Variants in OCIAD2 observed in about 807,000 individuals in gnomAD.
OCIAD2 encodes OCIA domain containing 2.
A neutral mutation model predicts 22.9 loss-of-function variants in OCIAD2; 29 were observed. The ratio of observed to expected loss-of-function variants is 1.27; its 90% confidence interval spans 0.94 to 1.73. OCIAD2 has a LOEUF of 1.73. Ranked by LOEUF, OCIAD2 falls within the 40% of genes most tolerant of loss-of-function variation. The probability of loss-of-function intolerance (pLI) is 0.00; values close to 1 mark genes in which losing one functional copy is unlikely to be tolerated. For missense variants in OCIAD2, 189 were observed against 180.3 expected, an observed-to-expected ratio of 1.05 and a Z score of -0.28; for synonymous variants, 67 against 60.2, an observed-to-expected ratio of 1.11 and a Z score of -0.52.
chr4:48,899,647 A>G (rs1454649311), intron 3 of OCIAD2, among the ~76,000 whole-genome samples, 182 bp downstream of exon 3: 2 of 152,168 alleles, frequency 1.3e-5, no homozygotes, highest in Non-Finnish European at 2.9e-5. Context: ...AGTGCTCCTT[A>G]ATCAGATATT....
chr4:48,900,921 A>T (rs1416116228), intron 2 of OCIAD2, among the ~76,000 whole-genome samples: 1 of 152,014 alleles, frequency 6.6e-6, no homozygotes, highest in Non-Finnish European at 1.5e-5. Flanking sequence ...TCAAGTTCAT[A>T]TGCTATCATC....
intron 6 of OCIAD2, among the ~76,000 whole-genome samples, chr4:48,891,845 CAG>C (rs1413205849): frequency 1.3e-5 from 2 of 152,102 alleles, no homozygotes; most frequent in African/African-American, 2.4e-5. Flanking sequence ...GTTTGGAAAA[CAG>C]ATGATCTGAG....
intron 2 of OCIAD2, among the ~76,000 whole-genome samples, chr4:48,902,608 C>T (rs1288666527): frequency 6.6e-6 from 1 of 152,158 alleles, no homozygotes; most frequent in African/African-American, 2.4e-5. Flanking sequence ...TTGGCTGTGC[C>T]TGGGGCAGAA....
At chr4:48,890,052 A>T (rs1579148894) in intron 6 of OCIAD2, among the ~76,000 whole-genome samples, 1 of 143,652 alleles carries the variant, frequency 7.0e-6, no homozygotes, top group South Asian at 2.3e-4. Flanking sequence ...TGGGAACTGA[A>T]CAATGAGAAC....
chr4:48,899,736 G>T, intron 3 of OCIAD2, 93 bp downstream of exon 3: 1 of 836,388 alleles, frequency 1.2e-6, no homozygotes, highest in Non-Finnish European at 1.9e-6. Flanking sequence ...AGATATTTAT[G>T]CAAAGTCTCT....
chr4:48,890,425 A>C (rs959283754), intron 6 of OCIAD2, among the ~76,000 whole-genome samples: 1 of 152,186 alleles, frequency 6.6e-6, no homozygotes, highest in Non-Finnish European at 1.5e-5. Flanking sequence ...TTCTAACAAT[A>C]GCATAAAAAT....
intron 2 of OCIAD2, among the ~76,000 whole-genome samples, chr4:48,901,102 G>A (rs1211315782): frequency 6.6e-6 from 1 of 151,890 alleles, no homozygotes; most frequent in Non-Finnish European, 1.5e-5. Context: ...TCATTATTTT[G>A]GGTGAATGTA....
chr4:48,905,234 A>T (rs1205039857), intron 1 of OCIAD2, among the ~76,000 whole-genome samples: 1 of 152,118 alleles, frequency 6.6e-6, no homozygotes, highest in African/African-American at 2.4e-5. Context: ...CAAACAGTGG[A>T]ATTAGCCACT....
intron 5 of OCIAD2, 112 bp from the exon 6 acceptor site, chr4:48,893,001 A>C: frequency 1.6e-6 from 1 of 626,480 alleles, no homozygotes. Context: ...ACGCTAAATC[A>C]ATGAATGAAG....
At position 48,900,689 on chromosome 4, in the gene OCIAD2, A is replaced by T. The variant is rs1354783121; in HGVS notation, c.67-764T>A. Among the ~76,000 whole-genome samples, 5 of 150,396 alleles carry T rather than the reference A, an allele frequency of 3.3e-5. No homozygotes were observed. In the Admixed American group the frequency reaches 3.3e-4, roughly 10 times the overall value. Reference sequence around the variant, plus strand: ...ATTTTGTCACCTGGGCTAGAATGCAAGGGCGTGATCTTGGCTCACTGCAGA... The same window carrying T: ...ATTTTGTCACCTGGGCTAGAATGCATGGGCGTGATCTTGGCTCACTGCAGA... On this transcript the variant is annotated intron_variant, in intron 2 of 6. Transcript: ENST00000508632.
chr4:48,897,307 G>A (rs972475337), intron 4 of OCIAD2: 1 of 159,958 alleles, frequency 6.3e-6, no homozygotes, highest in African/African-American at 2.4e-5. Flanking sequence ...TTTTAACTGT[G>A]TTCCTTAAAT....
At chr4:48,900,458 T>C (rs1579157507) in intron 2 of OCIAD2, among the ~76,000 whole-genome samples, 1 of 152,190 alleles carries the variant, frequency 6.6e-6, no homozygotes, top group Non-Finnish European at 1.5e-5. Flanking sequence ...TAGTTTAGTT[T>C]ACTTTCAATC....
chr4:48,899,856 A>G lies in OCIAD2; in HGVS notation c.136T>C (p.Cys46Arg). The G allele has an allele frequency of 6.2e-7, 1 of 1,613,706 alleles. No homozygotes were observed. The highest frequency in any genetic ancestry group is 8.5e-7 in the Non-Finnish European group (1 of 1,179,858). The change falls in exon 3 of 7, where the codon TGT becomes CGT. Residue 46 changes from cysteine to arginine, a missense_variant. By Grantham distance (180) the Cys-to-Arg change is radical. Coordinates refer to ENST00000508632, the MANE Select transcript of OCIAD2 (RefSeq NM_001014446.3). ...RAEISKIMRE[C>R]QEESFWKRAL... Reference sequence around the variant, plus strand: ...CTCTTCCAGAAACTTTCTTCCTGACATTCTCGCATAATCTTTGAGATCTCT... The same window carrying G: ...CTCTTCCAGAAACTTTCTTCCTGACGTTCTCGCATAATCTTTGAGATCTCT...
intron 4 of OCIAD2, among the ~76,000 whole-genome samples, chr4:48,895,581 G>A (rs577674041): frequency 3.3e-5 from 5 of 152,176 alleles, no homozygotes; most frequent in African/African-American, 4.8e-5. Flanking sequence ...ATCAATTCAC[G>A]AGGGTGGAGC....
intron 1 of OCIAD2, among the ~76,000 whole-genome samples, chr4:48,906,183 C>G (rs1781520770): frequency 6.6e-6 from 1 of 152,214 alleles, no homozygotes; most frequent in Non-Finnish European, 1.5e-5. Flanking sequence ...AAAAGCAAGC[C>G]TTCCGAGGGT....
Position 48,885,410 on chromosome 4 carries a change from T to C in OCIAD2, c.*74A>G. 1.2e-6 allele frequency: 1 copy of C among 826,382 alleles called. No homozygotes were observed. The highest frequency in any genetic ancestry group is 2.1e-6 in the Non-Finnish European group (1 of 476,110). The allele number at this position is 826,382 out of a possible 1,614,324, so 51.2% of individuals were successfully genotyped here. ...TTGTTCCATTAGAAGTATTTTATTT[T>C]AAAGTACACTTGAAATTTTAAATGT... On this transcript the variant is annotated 3_prime_UTR_variant, in exon 7 of 7. Transcript: ENST00000508632.
chr4:48,888,510 A>G (rs1781063168), intron 6 of OCIAD2, among the ~76,000 whole-genome samples: 3 of 152,192 alleles, frequency 2.0e-5, no homozygotes, highest in African/African-American at 4.8e-5. Context: ...GATACATCCC[A>G]TCAATACCTA....
In OCIAD2 at chr4:48,897,817, T is replaced by A; in HGVS notation, c.204A>T (p.Gly68=). The change falls in exon 4 of 7, where the codon GGA becomes GGT. Residue 68 remains glycine, a synonymous_variant. Coordinates refer to ENST00000508632, the MANE Select transcript of OCIAD2 (RefSeq NM_001014446.3). ...ATTGAATCTTACCTTGGTAGACTAGTCCCTGGGTGACAAGCATGCTTACAA... is the reference window on the plus strand; with the variant it reads ...ATTGAATCTTACCTTGGTAGACTAGACCCTGGGTGACAAGCATGCTTACAA... ...FSLVSMLVTQ[G]LVYQGYLAAN... The A allele has an allele frequency of 6.2e-7, 1 of 1,611,504 alleles. No individual in the cohort carries two copies. Among genetic ancestry groups the A allele is most frequent in the Non-Finnish European group, 8.5e-7 (1 of 1,177,736 alleles).
At chr4:48,900,980 T>A (rs1781402492) in intron 2 of OCIAD2, among the ~76,000 whole-genome samples, 1 of 152,150 alleles carries the variant, frequency 6.6e-6, no homozygotes, top group Non-Finnish European at 1.5e-5. Context: ...TAGGTACATA[T>A]GCTTTAATCA....
Sources: allele counts gnomAD v4.1 joint callset (sites outside exome capture counted in the v4.1 genomes callset), GRCh38; gene constraint gnomAD v4.1.1; transcripts MANE v1.5; gene names NCBI Gene and HGNC (gene_info 2026-07-23, HGNC 2026-07-21).